Variants in OPHN1 observed in about 807,000 individuals in gnomAD.
OPHN1 encodes oligophrenin-1.
Under a neutral mutation model 60.7 loss-of-function variants are expected in OPHN1, and 11 were observed. The observed-to-expected ratio is 0.18, with a 90% CI of 0.11 to 0.30. The LOEUF (loss-of-function observed/expected upper bound fraction) is 0.30. Among genes scored for constraint, OPHN1 ranks in the 10% least tolerant of loss-of-function variants. OPHN1 has a pLI of 1.00. For missense variants in OPHN1, 449 were observed against 611.0 expected, an observed-to-expected ratio of 0.73 and a Z score of 2.80; for synonymous variants, 226 against 222.6, an observed-to-expected ratio of 1.02 and a Z score of -0.14.
chrX:68,144,866 C>T (rs1278461750), intron 15 of OPHN1, among the ~76,000 whole-genome samples: 1 of 112,023 alleles, frequency 8.9e-6, no homozygotes, highest in Non-Finnish European at 1.9e-5. Context: ...TTCAATAAAG[C>T]TCAATATATG....
At chrX:68,317,272 C>A (rs1449018800) in intron 2 of OPHN1, among the ~76,000 whole-genome samples, 23 of 99,178 alleles carry the variant, frequency 2.3e-4, no homozygotes, top group Non-Finnish European at 4.0e-4. Context: ...TGCTCTGCAG[C>A]CTGGGCAACA....
At chrX:68,212,016 C>T (rs985306911) in intron 8 of OPHN1, 92 bp downstream of exon 8, 3 of 594,594 alleles carry the variant, frequency 5.0e-6, no homozygotes, top group African/African-American at 4.5e-5. Flanking sequence ...GGCTAGGATG[C>T]AGTAACCTAG....
Position 68,393,885 on chromosome X carries a change from G to GTT in OPHN1, c.154+38980_154+38981dup, listed in dbSNP as rs1163192446. 4.3e-3 allele frequency among the ~76,000 whole-genome samples: 148 copies of GTT among 34,597 alleles called. 30 individuals are homozygous for GTT. Among genetic ancestry groups the GTT allele is most frequent in the African/African-American group, 0.016 (143 of 9,168 alleles). 30.0% of individuals were successfully genotyped at this position (34,597 alleles called of 115,157 possible). On this transcript the variant is annotated intron_variant, in intron 2 of 24. Transcript: ENST00000355520. ...CTATCAAGGTGATCCAATAGACTTT[G>GTT]TTTTTTTTTTTTTTTTTTTTTTTTT...
At chrX:68,433,734 G>C (rs1000420361), upstream of OPHN1, 1 of 297,681 alleles carries the variant, frequency 3.4e-6, no homozygotes, top group Non-Finnish European at 5.9e-6. Flanking sequence ...GGTTAAGCCA[G>C]GGCGGCAATG....
intron 23 of OPHN1, among the ~76,000 whole-genome samples, chrX:68,051,720 T>C (rs998607484): frequency 1.8e-5 from 2 of 110,992 alleles, no homozygotes; most frequent in Non-Finnish European, 3.8e-5. Context: ...ACAAAAAATA[T>C]TGGGTGTAAA....
chrX:68,356,287 G>A (rs2147711163), intron 2 of OPHN1, among the ~76,000 whole-genome samples: 1 of 111,402 alleles, frequency 9.0e-6, no homozygotes, highest in African/African-American at 3.3e-5. Context: ...CCAAGCAAGA[G>A]GGGATTCTCC....
chrX:68,224,116 CT>C (rs1244795790), intron 6 of OPHN1, among the ~76,000 whole-genome samples: 1 of 111,663 alleles, frequency 9.0e-6, no homozygotes. Flanking sequence ...TAACTGACAT[CT>C]TTGTAACACT....
At chrX:68,070,850 C>T in intron 20 of OPHN1, 5 of 1,176,913 alleles carry the variant, frequency 4.2e-6, no homozygotes, top group Non-Finnish European at 5.8e-6. Flanking sequence ...ATTCAGCCAG[C>T]AGGTATGCCA....
At chrX:68,190,329 G>A (rs774381686) in intron 15 of OPHN1, among the ~76,000 whole-genome samples, 21 of 112,342 alleles carry the variant, frequency 1.9e-4, no homozygotes, top group African/African-American at 5.2e-4. Context: ...ATTGATGCCC[G>A]GGTAGGCACA....
intron 2 of OPHN1, among the ~76,000 whole-genome samples, chrX:68,303,244 G>C (rs2078129473): frequency 8.9e-6 from 1 of 111,815 alleles, no homozygotes; most frequent in Admixed American, 9.5e-5. Flanking sequence ...AATCACAAAA[G>C]ACCCCAAAAG....
At chrX:68,348,798 T>G (rs2078391468) in intron 2 of OPHN1, among the ~76,000 whole-genome samples, 1 of 111,512 alleles carries the variant, frequency 9.0e-6, no homozygotes, top group African/African-American at 3.3e-5. Flanking sequence ...TGGCTATGAC[T>G]TCAAGGATAA....
At chrX:68,139,590 A>T (rs2077234140) in intron 15 of OPHN1, among the ~76,000 whole-genome samples, 2 of 112,373 alleles carry the variant, frequency 1.8e-5, no homozygotes, top group Non-Finnish European at 3.8e-5. Flanking sequence ...ACTGGTAACT[A>T]TGGTTGCTTC....
intron 6 of OPHN1, among the ~76,000 whole-genome samples, chrX:68,229,654 C>A (rs1222291697): frequency 1.3e-4 from 14 of 111,797 alleles, no homozygotes; most frequent in Non-Finnish European, 1.7e-4. Flanking sequence ...CAAAAACAAG[C>A]AATGGGGAAA....
At chrX:68,305,456 G>C (rs774587689) in intron 2 of OPHN1, among the ~76,000 whole-genome samples, 14 of 112,310 alleles carry the variant, frequency 1.2e-4, no homozygotes, top group Non-Finnish European at 1.9e-4. Flanking sequence ...AAAGACATGG[G>C]TCATAAAAAA....
chrX:68,311,404 C>T, intron 2 of OPHN1, among the ~76,000 whole-genome samples: 1 of 112,125 alleles, frequency 8.9e-6, no homozygotes, highest in Non-Finnish European at 1.9e-5. Context: ...CATGAAATCC[C>T]CAGAATACAT....
At chrX:68,064,250 C>T in intron 20 of OPHN1, 73 bp from the exon 21 acceptor site, 2 of 1,025,599 alleles carry the variant, frequency 2.0e-6, no homozygotes, top group African/African-American at 1.9e-5. Context: ...TACATGCATA[C>T]ATACTTAATT....
chrX:68,108,129 T>C (rs750186540), intron 18 of OPHN1, among the ~76,000 whole-genome samples: 2 of 112,433 alleles, frequency 1.8e-5, no homozygotes, highest in African/African-American at 3.2e-5. Flanking sequence ...GTTATTGATG[T>C]TCAGGTTGGC....
intron 18 of OPHN1, among the ~76,000 whole-genome samples, chrX:68,098,217 T>C (rs2077044983): frequency 9.0e-6 from 1 of 111,429 alleles, no homozygotes; most frequent in Non-Finnish European, 1.9e-5. Flanking sequence ...CTAAAACCAC[T>C]GGCAAGCAGA....
intron 15 of OPHN1, among the ~76,000 whole-genome samples, chrX:68,188,954 C>T (rs1363364699): frequency 8.9e-6 from 1 of 111,779 alleles, no homozygotes; most frequent in African/African-American, 3.3e-5. Context: ...TATTCTAATG[C>T]CATAATGATG....
Sources: allele counts gnomAD v4.1 joint callset (sites outside exome capture counted in the v4.1 genomes callset), GRCh38; gene constraint gnomAD v4.1.1; transcripts MANE v1.5; gene names NCBI Gene and HGNC (gene_info 2026-07-23, HGNC 2026-07-21).